Variants in PXDNL observed in about 807,000 individuals in gnomAD.
PXDNL encodes the protein peroxidasin like.
Under a neutral mutation model 150.8 loss-of-function variants are expected in PXDNL, and 145 were observed. That is an observed-to-expected ratio of 0.96 (90% CI 0.84 to 1.10). The LOEUF is 1.10. Ranked by LOEUF, PXDNL falls within the 50% of genes least tolerant of loss-of-function variation. The probability of loss-of-function intolerance (pLI) is 0.00; values close to 1 mark genes in which losing one functional copy is unlikely to be tolerated. For synonymous variants in PXDNL, 757 were observed against 725.7 expected (o/e 1.04, Z -0.69); for missense variants, 2,087 against 1,873.9 (o/e 1.11, Z -2.10).
chr8:51,323,495 C>T (rs1805388449), intron 21 of PXDNL, among the ~76,000 whole-genome samples: 1 of 152,116 alleles, frequency 6.6e-6, no homozygotes, highest in South Asian at 2.1e-4. Flanking sequence ...CGCTATATTA[C>T]CCAGGCTGAT....
intron 4 of PXDNL, among the ~76,000 whole-genome samples, chr8:51,525,222 G>A (rs1039674150): frequency 4.6e-5 from 7 of 151,942 alleles, no homozygotes; most frequent in Non-Finnish European, 8.8e-5. Context: ...CCTCTGACCC[G>A]CTCATGATTT....
intron 9 of PXDNL, 82 bp from the exon 10 acceptor site, chr8:51,453,867 T>C: frequency 6.9e-7 from 1 of 1,446,704 alleles, no homozygotes; most frequent in Non-Finnish European, 9.3e-7. Context: ...GGTTTTAAGA[T>C]TATTGTCATT....
At chr8:51,687,261 CT>C (rs1815897025) in intron 1 of PXDNL, among the ~76,000 whole-genome samples, 1 of 152,104 alleles carries the variant, frequency 6.6e-6, no homozygotes, top group South Asian at 2.1e-4. Flanking sequence ...CCACCCTTCT[CT>C]AAAGAAATTT....
At chr8:51,562,735 C>T (rs1812742809) in intron 3 of PXDNL, among the ~76,000 whole-genome samples, 1 of 151,942 alleles carries the variant, frequency 6.6e-6, no homozygotes, top group Non-Finnish European at 1.5e-5. Context: ...CTGATGGTTG[C>T]TCTGGAAGAT....
At chr8:51,706,777 A>G (rs139696660) in intron 1 of PXDNL, among the ~76,000 whole-genome samples, 73 of 152,340 alleles carry the variant, frequency 4.8e-4, no homozygotes, top group African/African-American at 1.7e-3. Flanking sequence ...TGGCAAATCA[A>G]ACTTCAATAT....
chr8:51,779,867 C>A (rs2037393467), intron 1 of PXDNL, among the ~76,000 whole-genome samples: 1 of 152,180 alleles, frequency 6.6e-6, no homozygotes, highest in Admixed American at 6.5e-5. Flanking sequence ...CCTGGCTTTT[C>A]AAAGCACTGT....
At chr8:51,509,489 A>T (rs931886140) in intron 4 of PXDNL, among the ~76,000 whole-genome samples, 3 of 152,004 alleles carry the variant, frequency 2.0e-5, no homozygotes, top group Non-Finnish European at 4.4e-5. Flanking sequence ...TCAGCATTCA[A>T]GCTGTTGCTC....
intron 3 of PXDNL, among the ~76,000 whole-genome samples, chr8:51,575,401 T>C (rs1334142117): frequency 6.6e-6 from 1 of 151,852 alleles, no homozygotes; most frequent in Admixed American, 6.6e-5. Flanking sequence ...AATATATCAA[T>C]AATTACATTA....
At chr8:51,699,738 G>C (rs1234238811) in intron 1 of PXDNL, among the ~76,000 whole-genome samples, 3 of 151,978 alleles carry the variant, frequency 2.0e-5, no homozygotes, top group African/African-American at 7.3e-5. Context: ...AGCACTTATG[G>C]GCCATTGTAG....
chr8:51,555,237 A>G (rs1812575797), intron 4 of PXDNL, among the ~76,000 whole-genome samples: 1 of 152,126 alleles, frequency 6.6e-6, no homozygotes, highest in African/African-American at 2.4e-5. Context: ...GCAAGAAGAA[A>G]CCAAGTTTGT....
Position 51,610,790 on chromosome 8 carries a change from T to C in PXDNL, c.237-18092A>G, listed in dbSNP as rs563139860. Among the ~76,000 whole-genome samples the C allele has an allele frequency of 3.3e-5, 5 of 152,316 alleles. 1 individual carries two copies. In the South Asian group the frequency reaches 1.0e-3, roughly 32 times the overall value. On this transcript the variant is annotated intron_variant, in intron 2 of 22. Transcript: ENST00000356297. ...CTGGAGAACTGCAGCCCTCAGCTGC[T>C]GCTGGACACATTTCTCCATAGGCAT...
chr8:51,638,577 A>G (rs1814662666), intron 2 of PXDNL, among the ~76,000 whole-genome samples: 1 of 152,182 alleles, frequency 6.6e-6, no homozygotes, highest in South Asian at 2.1e-4. Flanking sequence ...CAGACTTTAA[A>G]CCAACAAAGA....
intron 1 of PXDNL, among the ~76,000 whole-genome samples, chr8:51,772,347 A>C (rs2037308124): frequency 6.6e-6 from 1 of 151,902 alleles, no homozygotes; most frequent in Non-Finnish European, 1.5e-5. Flanking sequence ...TTCTGGGGAA[A>C]TCGTGTGGTG....
Position 51,433,476 on chromosome 8 carries a change from A to T in PXDNL, c.1526-6718T>A, listed in dbSNP as rs184579034. 1.1e-4 allele frequency among the ~76,000 whole-genome samples: 16 copies of T among 152,096 alleles called. No homozygotes were observed. The East Asian group carries it at 3.1e-3, about 29-fold the overall frequency. On this transcript the variant is annotated intron_variant, in intron 12 of 22. Transcript: ENST00000356297. The stretch of plus-strand genomic sequence containing the variant: ...CAGTGGGGCAATATTTTGTACAGAG[A>T]TTAAGTTTTTTGTCCATAATTTCCT...
At chr8:51,410,214 G>A (rs1808588125) in intron 16 of PXDNL, among the ~76,000 whole-genome samples, 1 of 152,202 alleles carries the variant, frequency 6.6e-6, no homozygotes, top group African/African-American at 2.4e-5. Flanking sequence ...TGGCAAACGG[G>A]CAAAATAATA....
chr8:51,420,275 T>C (rs1307513196), intron 14 of PXDNL, among the ~76,000 whole-genome samples: 1 of 152,220 alleles, frequency 6.6e-6, no homozygotes, highest in Non-Finnish European at 1.5e-5. Flanking sequence ...CTTTTAGTTA[T>C]AATGACCTGG....
At chr8:51,349,858 A>G (rs1806282268) in intron 19 of PXDNL, among the ~76,000 whole-genome samples, 1 of 152,220 alleles carries the variant, frequency 6.6e-6, no homozygotes, top group East Asian at 1.9e-4. Context: ...GATTTTTCAA[A>G]TTGGCAAAAA....
chr8:51,782,864 A>G (rs1388332689), intron 1 of PXDNL, among the ~76,000 whole-genome samples: 5 of 152,220 alleles, frequency 3.3e-5, no homozygotes, highest in Admixed American at 6.5e-5. Context: ...AATGTCCTGA[A>G]TATGTCAGAC....
chr8:51,400,211 T>C (rs1054146865), intron 17 of PXDNL, among the ~76,000 whole-genome samples: 3 of 152,134 alleles, frequency 2.0e-5, no homozygotes, highest in Non-Finnish European at 1.5e-5. Flanking sequence ...CCAAATTCAT[T>C]TATGTTTCAC....
Sources: gnomAD v4.1 joint callset for allele counts (sites outside exome capture counted in the v4.1 genomes callset) on GRCh38, gnomAD v4.1.1 for gene constraint, MANE v1.5 for transcripts, NCBI Gene and HGNC (gene_info 2026-07-23, HGNC 2026-07-21) for gene names.